Variants in MSRA observed in about 807,000 individuals in gnomAD.
MSRA encodes the protein methionine sulfoxide reductase A, also known as mitochondrial peptide methionine sulfoxide reductase.
In MSRA, 54 loss-of-function variants were observed where a neutral mutation model predicts 31.3. The ratio of observed to expected loss-of-function variants is 1.73; its 90% CI spans 1.39 to 2.17. The LOEUF (loss-of-function observed/expected upper bound fraction) is 2.17, where lower values mean the gene tolerates loss of function less well. Among genes scored for constraint, MSRA ranks in the 30% most tolerant of loss-of-function variants. The pLI is 0.00. For synonymous variants in MSRA, 169 were observed against 116.5 expected (o/e 1.45, Z -2.90); for missense variants, 507 against 300.9 (o/e 1.69, Z -5.07).
chr8:10,220,195 G>A (rs10110264), intron 2 of MSRA, among the ~76,000 whole-genome samples: 6,223 of 152,210 alleles, frequency 0.041, 219 homozygotes, highest in African/African-American at 0.098. Flanking sequence ...ATCTTCCTGG[G>A]TCATCAGTGT....
At chr8:10,191,589 A>G (rs1807509193) in intron 1 of MSRA, among the ~76,000 whole-genome samples, 1 of 152,196 alleles carries the variant, frequency 6.6e-6, no homozygotes, top group South Asian at 2.1e-4. Flanking sequence ...TGGTTCAGAA[A>G]TGCCTGTTTT....
At chr8:10,348,161 A>G (rs1014996391) in intron 5 of MSRA, among the ~76,000 whole-genome samples, 10 of 152,142 alleles carry the variant, frequency 6.6e-5, no homozygotes, top group Admixed American at 6.5e-4. Context: ...TCCTGAGACC[A>G]TATAGACAGA....
intron 2 of MSRA, among the ~76,000 whole-genome samples, chr8:10,223,674 C>G (rs1810725071): frequency 6.6e-6 from 1 of 152,178 alleles, no homozygotes. Flanking sequence ...CAGACAGATA[C>G]TGGGACAGAA....
intron 1 of MSRA, among the ~76,000 whole-genome samples, chr8:10,055,157 C>T (rs968746177): frequency 2.8e-5 from 1 of 36,290 alleles, no homozygotes. Context: ...GCGTCTCAGG[C>T]CAGTGTTCTG....
chr8:10,405,137 C>T (rs992825486), intron 5 of MSRA, among the ~76,000 whole-genome samples: 1 of 152,182 alleles, frequency 6.6e-6, no homozygotes, highest in Non-Finnish European at 1.5e-5. Flanking sequence ...GTTCTCTTCA[C>T]AAAATAGCAA....
chr8:10,371,425 A>G (rs1484155974), intron 5 of MSRA, among the ~76,000 whole-genome samples: 1 of 152,130 alleles, frequency 6.6e-6, no homozygotes, highest in Non-Finnish European at 1.5e-5. Flanking sequence ...AACTCATGCA[A>G]GGTTGACAGA....
intron 5 of MSRA, among the ~76,000 whole-genome samples, chr8:10,334,844 G>A (rs1314750680): frequency 6.6e-6 from 1 of 152,214 alleles, no homozygotes. Flanking sequence ...TTTAACTCCA[G>A]CGCGCCACCC....
Position 10,254,752 on chromosome 8 carries a change from C to T in MSRA, c.331+9529C>T, listed in dbSNP as rs182154304. On this transcript the variant is annotated intron_variant, in intron 3 of 5. Coordinates refer to ENST00000317173, the MANE Select transcript of MSRA (RefSeq NM_012331.5). ...AAGACTGTCTCCTTCTAAGCCTTCACTCATTTCCAGCAAATGCATTTTCAC... is the reference window on the plus strand; with the variant it reads ...AAGACTGTCTCCTTCTAAGCCTTCATTCATTTCCAGCAAATGCATTTTCAC... 1.4e-4 allele frequency among the ~76,000 whole-genome samples: 21 copies of T among 152,336 alleles called. No homozygotes were observed. In the East Asian group the frequency reaches 3.3e-3, roughly 24 times the overall value.
chr8:10,078,209 C>G (rs1192328534), intron 1 of MSRA, among the ~76,000 whole-genome samples: 2 of 152,204 alleles, frequency 1.3e-5, no homozygotes, highest in Admixed American at 1.3e-4. Flanking sequence ...ATTTCCTTTT[C>G]TGCTTTTTCT....
At chr8:10,291,857 C>G (rs1341393535) in intron 3 of MSRA, among the ~76,000 whole-genome samples, 1 of 152,082 alleles carries the variant, frequency 6.6e-6, no homozygotes, top group Non-Finnish European at 1.5e-5. Flanking sequence ...TAAACTAAGT[C>G]AAGTCTTTTT....
intron 1 of MSRA, among the ~76,000 whole-genome samples, chr8:10,202,854 A>T (rs768258828): frequency 6.6e-6 from 1 of 152,212 alleles, no homozygotes; most frequent in South Asian, 2.1e-4. Flanking sequence ...AGAAATTCTT[A>T]CAGATGAGGA....
At chr8:10,130,206 C>T (rs554984859) in intron 1 of MSRA, among the ~76,000 whole-genome samples, 51 of 152,302 alleles carry the variant, frequency 3.3e-4, no homozygotes, top group African/African-American at 1.2e-3. Flanking sequence ...AGTAGTACTT[C>T]CATTGAGAAA....
intron 1 of MSRA, among the ~76,000 whole-genome samples, chr8:10,087,263 C>T (rs1218161860): frequency 1.3e-5 from 2 of 152,134 alleles, no homozygotes; most frequent in African/African-American, 4.8e-5. Context: ...GACTCATGAA[C>T]AGGTTGTTTC....
chr8:10,075,098 C>T (rs929073272), intron 1 of MSRA, among the ~76,000 whole-genome samples: 1 of 152,140 alleles, frequency 6.6e-6, no homozygotes, highest in African/African-American at 2.4e-5. Context: ...TTGAAGACTT[C>T]ATATATTGTC....
intron 1 of MSRA, among the ~76,000 whole-genome samples, chr8:10,129,014 C>T (rs1484641): frequency 3.9e-5 from 6 of 151,996 alleles, no homozygotes; most frequent in South Asian, 2.1e-4. Flanking sequence ...AATTTTCTCA[C>T]GAGTTTGCAA....
intron 5 of MSRA, among the ~76,000 whole-genome samples, chr8:10,351,615 G>A (rs916531687): frequency 6.6e-6 from 1 of 152,168 alleles, no homozygotes; most frequent in East Asian, 1.9e-4. Flanking sequence ...TGAACGTCTG[G>A]TACTTATAAA....
chr8:10,209,018 C>G (rs1294007118), intron 2 of MSRA, among the ~76,000 whole-genome samples: 2 of 152,202 alleles, frequency 1.3e-5, no homozygotes, highest in Non-Finnish European at 2.9e-5. Flanking sequence ...GAGTCATAAA[C>G]AGGGACCCAG....
chr8:10,172,465 A>C (rs1258500076), intron 1 of MSRA, among the ~76,000 whole-genome samples: 6 of 152,152 alleles, frequency 3.9e-5, no homozygotes, highest in Admixed American at 3.9e-4. Context: ...AGGGGGAGGC[A>C]AAGGGGACGC....
intron 1 of MSRA, among the ~76,000 whole-genome samples, chr8:10,124,007 G>C (rs1216761051): frequency 6.6e-6 from 1 of 151,932 alleles, no homozygotes; most frequent in African/African-American, 2.4e-5. Flanking sequence ...AGAAGTTCTG[G>C]GAGGCTGAGG....
Sources: allele counts gnomAD v4.1 joint callset (sites outside exome capture counted in the v4.1 genomes callset), GRCh38; gene constraint gnomAD v4.1.1; transcripts MANE v1.5; gene names NCBI Gene and HGNC (gene_info 2026-07-23, HGNC 2026-07-21).